CNTNAP2: variants seen among roughly 807,000 people sequenced by gnomAD.
The protein encoded by CNTNAP2 is contactin associated protein 2.
CNTNAP2 carries 98 observed loss-of-function variants against 155.2 expected under a neutral mutation model. The ratio of observed to expected loss-of-function variants is 0.63; its 90% CI spans 0.54 to 0.75. The LOEUF is 0.75. CNTNAP2 is among the 30% of genes least tolerant of loss of function. CNTNAP2 has a pLI of 0.00. For missense variants in CNTNAP2, 1,727 were observed against 1,688.1 expected, an observed-to-expected ratio of 1.02 and a Z score of -0.40; for synonymous variants, 651 against 631.2, an observed-to-expected ratio of 1.03 and a Z score of -0.47.
At chr7:147,827,769 A>G (rs1798480007) in intron 13 of CNTNAP2, among the ~76,000 whole-genome samples, 1 of 152,200 alleles carries the variant, frequency 6.6e-6, no homozygotes, top group African/African-American at 2.4e-5. Context: ...ATGAGAGGGT[A>G]GAATGCCAGG....
At chr7:146,834,742 C>G (rs1345854994) in intron 2 of CNTNAP2, among the ~76,000 whole-genome samples, 1 of 152,184 alleles carries the variant, frequency 6.6e-6, no homozygotes, top group Non-Finnish European at 1.5e-5. Flanking sequence ...TCCACTTCTT[C>G]TAACTCCTCT....
chr7:146,816,773 T>C (rs1803179262), intron 2 of CNTNAP2, among the ~76,000 whole-genome samples: 1 of 152,166 alleles, frequency 6.6e-6, no homozygotes, highest in Non-Finnish European at 1.5e-5. Flanking sequence ...GTCAACATAC[T>C]AGCTGCTTTT....
At chr7:148,346,221 A>G (rs1241440669) in intron 21 of CNTNAP2, among the ~76,000 whole-genome samples, 1 of 152,198 alleles carries the variant, frequency 6.6e-6, no homozygotes, top group Non-Finnish European at 1.5e-5. Flanking sequence ...TGGGAAGAAC[A>G]ATTTAAAAAT....
At chr7:146,732,735 T>G (rs2129179706) in intron 1 of CNTNAP2, among the ~76,000 whole-genome samples, 1 of 152,188 alleles carries the variant, frequency 6.6e-6, no homozygotes, top group African/African-American at 2.4e-5. Flanking sequence ...AATCGGATGC[T>G]TCAGTTCTTT....
At chr7:147,287,456 G>A (rs1410147657) in intron 8 of CNTNAP2, among the ~76,000 whole-genome samples, 1 of 151,970 alleles carries the variant, frequency 6.6e-6, no homozygotes, top group Non-Finnish European at 1.5e-5. Context: ...GAAACTTCAG[G>A]AGCTTAACTA....
chr7:147,057,213 T>C (rs1799579200), intron 4 of CNTNAP2, among the ~76,000 whole-genome samples: 1 of 152,186 alleles, frequency 6.6e-6, no homozygotes. Flanking sequence ...GAGAATGCAA[T>C]GTGTTTCCTC....
chr7:146,853,767 G>A (rs1794925579), intron 3 of CNTNAP2, among the ~76,000 whole-genome samples: 1 of 151,960 alleles, frequency 6.6e-6, no homozygotes, highest in South Asian at 2.1e-4. Context: ...TTAAATGCTG[G>A]GTCTCATCAG....
intron 1 of CNTNAP2, among the ~76,000 whole-genome samples, chr7:146,263,384 T>C (rs781588583): frequency 1.3e-5 from 2 of 152,198 alleles, no homozygotes; most frequent in African/African-American, 4.8e-5. Context: ...TCCCTTACTC[T>C]TAAGCGTAGT....
At chr7:146,491,335 G>T (rs1797136452) in intron 1 of CNTNAP2, among the ~76,000 whole-genome samples, 1 of 151,736 alleles carries the variant, frequency 6.6e-6, no homozygotes, top group Non-Finnish European at 1.5e-5. Flanking sequence ...ACATAACAAT[G>T]CTCATGGGAA....
chr7:147,120,657 G>C (rs186214358), intron 5 of CNTNAP2, among the ~76,000 whole-genome samples: 6 of 147,574 alleles, frequency 4.1e-5, no homozygotes, highest in Non-Finnish European at 9.0e-5. Context: ...TATACTTTAA[G>C]TTTTAGGGTA....
chr7:146,605,593 A>G (rs1410688623), intron 1 of CNTNAP2, among the ~76,000 whole-genome samples: 1 of 152,204 alleles, frequency 6.6e-6, no homozygotes, highest in Non-Finnish European at 1.5e-5. Flanking sequence ...ACTCTCATGA[A>G]TATTTGAGGT....
chr7:146,788,649 A>C (rs1402157000), intron 2 of CNTNAP2, among the ~76,000 whole-genome samples: 1 of 152,154 alleles, frequency 6.6e-6, no homozygotes, highest in Non-Finnish European at 1.5e-5. Context: ...TTAAAGTATA[A>C]GCACTTCTCA....
At position 147,119,241 on chromosome 7, in the gene CNTNAP2, A is replaced by G. The variant is rs1396062654; in HGVS notation, c.755-1738A>G. Among the ~76,000 whole-genome samples, 2 of 152,176 alleles carry G rather than the reference A, an allele frequency of 1.3e-5. 1 individual carries two copies. Among genetic ancestry groups the G allele is most frequent in the Non-Finnish European group, 2.9e-5 (2 of 68,002 alleles). On this transcript the variant is annotated intron_variant, in intron 5 of 23. Coordinates refer to ENST00000361727, the MANE Select transcript of CNTNAP2 (RefSeq NM_014141.6). ...AATGAAACATGTAGAGTAACCTTTT[A>G]AAATCAACTGTGGCTTATAGCAGTG...
chr7:147,682,158 T>A (rs1795955593), intron 13 of CNTNAP2, among the ~76,000 whole-genome samples: 1 of 151,896 alleles, frequency 6.6e-6, no homozygotes, highest in Admixed American at 6.6e-5. Context: ...CATACTCCAG[T>A]ACATAAACGG....
intron 12 of CNTNAP2, among the ~76,000 whole-genome samples, chr7:147,570,673 TG>T (rs1162463349): frequency 6.6e-6 from 1 of 152,194 alleles, no homozygotes; most frequent in Non-Finnish European, 1.5e-5. Context: ...CCTCACAAGG[TG>T]GGTAATACTA....
intron 17 of CNTNAP2, among the ~76,000 whole-genome samples, chr7:148,158,283 C>A (rs1805443725): frequency 7.9e-6 from 1 of 126,836 alleles, no homozygotes; most frequent in Non-Finnish European, 1.5e-5. Flanking sequence ...AGTGCAGTGG[C>A]ACAATCTCGG....
rs116159586 is a variant in CNTNAP2 at position 147,951,761 on chromosome 7, G to A, written c.2256-26101G>A. The stretch of plus-strand genomic sequence containing the variant: ...GGGAGGGGAACAACATACAAGGGGG[G>A]CCTGTCCGGGGGTAGAGGGCAAAGA... On this transcript the variant is annotated intron_variant, in intron 14 of 23. Transcript: ENST00000361727. 6.7e-3 allele frequency among the ~76,000 whole-genome samples: 1,016 copies of A among 151,590 alleles called. 12 individuals carry two copies. Among genetic ancestry groups the A allele is most frequent in the African/African-American group, 0.024 (977 of 41,284 alleles).
chr7:148,194,930 T>C (rs1420806340), intron 18 of CNTNAP2, among the ~76,000 whole-genome samples: 4 of 152,160 alleles, frequency 2.6e-5, no homozygotes, highest in African/African-American at 9.7e-5. Flanking sequence ...GTTTTACCAG[T>C]TATCTGGGCA....
intron 11 of CNTNAP2, among the ~76,000 whole-genome samples, chr7:147,556,624 T>G (rs1799956582): frequency 6.6e-6 from 1 of 152,122 alleles, no homozygotes; most frequent in Non-Finnish European, 1.5e-5. Context: ...GGGACTGAGA[T>G]GATGAGCCCA....
Sources: allele counts gnomAD v4.1 joint callset (sites outside exome capture counted in the v4.1 genomes callset), GRCh38; gene constraint gnomAD v4.1.1; transcripts MANE v1.5; gene names NCBI Gene and HGNC (gene_info 2026-07-23, HGNC 2026-07-21).